The following CADPS variants were observed in gnomAD, a reference collection of about 807,000 sequenced individuals.
The protein encoded by CADPS is calcium dependent secretion activator, also known as calcium-dependent secretion activator 1.
CADPS carries 57 observed loss-of-function variants against 167.3 expected under a neutral mutation model. The observed-to-expected ratio is 0.34, with a 90% CI of 0.28 to 0.42. The LOEUF (loss-of-function observed/expected upper bound fraction) is 0.42. Ranked by LOEUF, CADPS falls within the 20% of genes least tolerant of loss-of-function variation. The probability of loss-of-function intolerance (pLI) is 1.00; values close to 1 mark genes in which losing one functional copy is unlikely to be tolerated. For synonymous variants in CADPS, 676 were observed against 635.3 expected (o/e 1.06, Z -0.96); for missense variants, 1,414 against 1,738.1 (o/e 0.81, Z 3.32).
intron 1 of CADPS, among the ~76,000 whole-genome samples, chr3:62,803,005 CAAG>C (rs1431812197): frequency 7.9e-5 from 12 of 152,268 alleles, no homozygotes; most frequent in African/African-American, 2.9e-4. Context: ...CTGAGATGAG[CAAG>C]AAGAACACTT....
intron 3 of CADPS, among the ~76,000 whole-genome samples, chr3:62,714,054 G>C (rs1343866593): frequency 6.6e-6 from 1 of 151,984 alleles, no homozygotes; most frequent in African/African-American, 2.4e-5. Flanking sequence ...TATAGATGAG[G>C]CCATTGAGGC....
chr3:62,673,332 G>C (rs2150841179), intron 3 of CADPS, among the ~76,000 whole-genome samples: 1 of 152,282 alleles, frequency 6.6e-6, no homozygotes, highest in Admixed American at 6.5e-5. Flanking sequence ...ATAGAAATCT[G>C]AATGCAAATG....
chr3:62,457,459 G>A (rs914402969), intron 26 of CADPS, among the ~76,000 whole-genome samples: 14 of 152,124 alleles, frequency 9.2e-5, no homozygotes, highest in Admixed American at 7.9e-4. Flanking sequence ...TAGAGACTAT[G>A]TAAAAACGAA....
At position 62,520,449 on chromosome 3, in the gene CADPS, G is replaced by A. The variant is rs147366968; in HGVS notation, c.2292-2199C>T. On this transcript the variant is annotated intron_variant, in intron 13 of 29. Coordinates refer to ENST00000383710, the MANE Select transcript of CADPS (RefSeq NM_003716.4). Reference sequence around the variant, plus strand: ...AGTATCAGATAGCAGCTTCTGCTTCGCTGATAACCTCTCCTCGTACTACTT... The same window carrying A: ...AGTATCAGATAGCAGCTTCTGCTTCACTGATAACCTCTCCTCGTACTACTT... Among the ~76,000 whole-genome samples, 372 of 152,242 alleles carry A rather than the reference G, an allele frequency of 2.4e-3. 3 individuals carry two copies. Among genetic ancestry groups the A allele is most frequent in the African/African-American group, 8.3e-3 (347 of 41,558 alleles).
At chr3:62,504,282 C>T (rs143958717) in intron 17 of CADPS, among the ~76,000 whole-genome samples, 360 of 152,282 alleles carry the variant, frequency 2.4e-3, no homozygotes, top group African/African-American at 8.0e-3. Context: ...ATCCTTTCAT[C>T]ATAAAAAATA....
chr3:62,704,586 C>T (rs1564076512), intron 3 of CADPS, among the ~76,000 whole-genome samples: 1 of 152,132 alleles, frequency 6.6e-6, no homozygotes, highest in Non-Finnish European at 1.5e-5. Flanking sequence ...TCTGCCCACT[C>T]TGCATTGGAC....
chr3:62,588,430 G>T (rs1254718629), intron 7 of CADPS, among the ~76,000 whole-genome samples: 1 of 151,760 alleles, frequency 6.6e-6, no homozygotes, highest in African/African-American at 2.4e-5. Flanking sequence ...TCTGTGCACA[G>T]GACAAATGAT....
At chr3:62,588,041 T>C (rs2085039741) in intron 7 of CADPS, among the ~76,000 whole-genome samples, 1 of 152,184 alleles carries the variant, frequency 6.6e-6, no homozygotes, top group Admixed American at 6.5e-5. Context: ...GATGTGGGGA[T>C]GCTGATGTGG....
intron 26 of CADPS, among the ~76,000 whole-genome samples, chr3:62,464,690 T>C (rs1044174427): frequency 3.9e-5 from 6 of 152,106 alleles, no homozygotes; most frequent in Non-Finnish European, 8.8e-5. Flanking sequence ...AATTTGCAAA[T>C]AATTAGATCA....
At chr3:62,531,910 G>A (rs894608317) in intron 13 of CADPS, among the ~76,000 whole-genome samples, 9 of 152,174 alleles carry the variant, frequency 5.9e-5, no homozygotes, top group Non-Finnish European at 1.0e-4. Flanking sequence ...CAGGAGCTGG[G>A]CAAGGTCTAA....
chr3:62,762,420 G>A (rs1160339781), intron 2 of CADPS, among the ~76,000 whole-genome samples: 1 of 152,106 alleles, frequency 6.6e-6, no homozygotes, highest in Non-Finnish European at 1.5e-5. Flanking sequence ...ATTTTGGGGG[G>A]CCAATGCGGG....
In CADPS at chr3:62,529,984, GA is replaced by G. The variant is rs1360886775; in HGVS notation, c.2291+2886del. Among the ~76,000 whole-genome samples the G allele has an allele frequency of 8.5e-5, 13 of 152,168 alleles. 1 individual carries two copies. The highest frequency in any genetic ancestry group is 8.5e-4 in the Admixed American group (13 of 15,270). On this transcript the variant is annotated intron_variant, in intron 13 of 29. Transcript: ENST00000383710. ...TAATTAGTAAACCTAATTTAAAAGGGAAAAAGTTCACCAATTCGCCAATTTA... is the reference window on the plus strand; with the variant it reads ...TAATTAGTAAACCTAATTTAAAAGGGAAAAGTTCACCAATTCGCCAATTTA...
At chr3:62,863,514 G>A (rs1485152937) in intron 1 of CADPS, among the ~76,000 whole-genome samples, 1 of 152,126 alleles carries the variant, frequency 6.6e-6, no homozygotes, top group Non-Finnish European at 1.5e-5. Flanking sequence ...GCAAGGGAGG[G>A]CTTTTCAAGC....
At chr3:62,779,652 C>T (rs1180872454) in intron 1 of CADPS, 1 of 527,984 alleles carries the variant, frequency 1.9e-6, no homozygotes, top group Non-Finnish European at 3.9e-6. Flanking sequence ...AGGCTGTCTC[C>T]TTACCTGAGT....
chr3:62,613,231 C>A (rs1202495846), intron 6 of CADPS, among the ~76,000 whole-genome samples: 1 of 152,096 alleles, frequency 6.6e-6, no homozygotes, highest in Non-Finnish European at 1.5e-5. Flanking sequence ...CTACTTAAAC[C>A]CCTGTTCTTC....
At chr3:62,644,207 C>T (rs1277624538) in intron 6 of CADPS, among the ~76,000 whole-genome samples, 4 of 152,170 alleles carry the variant, frequency 2.6e-5, no homozygotes, top group Non-Finnish European at 5.9e-5. Flanking sequence ...GCTCATAATG[C>T]TCTGGGGGAG....
intron 1 of CADPS, among the ~76,000 whole-genome samples, chr3:62,793,417 T>C (rs2093124551): frequency 6.6e-6 from 1 of 152,154 alleles, no homozygotes; most frequent in African/African-American, 2.4e-5. Flanking sequence ...ATAGAAGAGT[T>C]TGGAGGAAGA....
chr3:62,816,108 A>G (rs1351582360), intron 1 of CADPS, among the ~76,000 whole-genome samples: 2 of 152,138 alleles, frequency 1.3e-5, no homozygotes, highest in African/African-American at 4.8e-5. Context: ...TGATACTCTG[A>G]CCTGCTCTTG....
At chr3:62,447,509 C>T (rs2057395897) in intron 26 of CADPS, among the ~76,000 whole-genome samples, 1 of 152,146 alleles carries the variant, frequency 6.6e-6, no homozygotes, top group African/African-American at 2.4e-5. Context: ...CTTGGTCTTG[C>T]TCATGGCTGT....
Sources: gnomAD v4.1 joint callset for allele counts (sites outside exome capture counted in the v4.1 genomes callset) on GRCh38, gnomAD v4.1.1 for gene constraint, MANE v1.5 for transcripts, NCBI Gene and HGNC (gene_info 2026-07-23, HGNC 2026-07-21) for gene names.